Variants in MBD5 observed in about 807,000 individuals in gnomAD.
MBD5 encodes the protein methyl-CpG-binding domain protein 5.
A neutral mutation model predicts 117.3 loss-of-function variants in MBD5; 13 were observed. That is an observed-to-expected ratio of 0.11 (90% CI 0.07 to 0.18). The LOEUF is 0.18. Among genes scored for constraint, MBD5 ranks in the 10% least tolerant of loss-of-function variants. The probability of loss-of-function intolerance (pLI) is 1.00; values close to 1 mark genes in which losing one functional copy is unlikely to be tolerated. For missense variants in MBD5, 1,879 were observed against 2,093.8 expected, an observed-to-expected ratio of 0.90 and a Z score of 2.00; for synonymous variants, 727 against 766.4, an observed-to-expected ratio of 0.95 and a Z score of 0.85.
At chr2:148,189,163 G>C (rs374686077) in intron 2 of MBD5, among the ~76,000 whole-genome samples, 2 of 146,918 alleles carry the variant, frequency 1.4e-5, no homozygotes, top group African/African-American at 5.2e-5. Flanking sequence ...ACTGCAAGGC[G>C]GCAACGAGGC....
chr2:148,459,848 G>A (rs1034564387), intron 5 of MBD5, among the ~76,000 whole-genome samples: 2 of 152,114 alleles, frequency 1.3e-5, no homozygotes, highest in Non-Finnish European at 2.9e-5. Flanking sequence ...TGTGTAAGGC[G>A]TTTCTGGAGG....
At chr2:148,339,777 T>A (rs920283368) in intron 3 of MBD5, among the ~76,000 whole-genome samples, 1 of 152,176 alleles carries the variant, frequency 6.6e-6, no homozygotes, top group Non-Finnish European at 1.5e-5. Context: ...ATTTATTGTC[T>A]ATCCTCAATA....
At chr2:148,198,342 C>A (rs1699047929) in intron 2 of MBD5, among the ~76,000 whole-genome samples, 1 of 152,162 alleles carries the variant, frequency 6.6e-6, no homozygotes, top group Non-Finnish European at 1.5e-5. Flanking sequence ...CACCAAATTT[C>A]TACCTTTGTT....
chr2:148,238,020 A>G (rs111312370), intron 3 of MBD5, among the ~76,000 whole-genome samples: 12 of 152,312 alleles, frequency 7.9e-5, no homozygotes, highest in African/African-American at 2.9e-4. Flanking sequence ...AGCACTGCCT[A>G]ACATGTAATT....
At chr2:148,067,309 C>G (rs949023136) in intron 1 of MBD5, among the ~76,000 whole-genome samples, 2 of 152,202 alleles carry the variant, frequency 1.3e-5, no homozygotes, top group African/African-American at 2.4e-5. Context: ...TTAACAGCCA[C>G]TCAGCAATTG....
At chr2:148,426,139 A>G (rs748266537) in intron 4 of MBD5, among the ~76,000 whole-genome samples, 2 of 152,230 alleles carry the variant, frequency 1.3e-5, no homozygotes, top group Non-Finnish European at 2.9e-5. Context: ...CCACTGCTCA[A>G]TGAAATAGAA....
intron 3 of MBD5, among the ~76,000 whole-genome samples, chr2:148,245,736 C>A (rs1700323028): frequency 6.6e-6 from 1 of 152,100 alleles, no homozygotes; most frequent in African/African-American, 2.4e-5. Flanking sequence ...TTCTAACTCT[C>A]CCACCATTAA....
chr2:148,456,091 A>G (rs1574443704), intron 4 of MBD5, among the ~76,000 whole-genome samples: 1 of 152,156 alleles, frequency 6.6e-6, no homozygotes, highest in South Asian at 2.1e-4. Context: ...TGAATAGCTC[A>G]TTAGTGCCAA....
rs768720064 is a variant in MBD5, at chr2:148,468,748, A to T, written c.805A>T (p.Asn269Tyr). The change falls in exon 8 of 14, where the codon AAT (asparagine) becomes TAT (tyrosine). Residue 269 changes from asparagine to tyrosine, a missense_variant. By Grantham distance (143) the Asn-to-Tyr change is moderately radical. This residue lies in a region of MBD5 where 1,666 missense variants were observed against 1,792.2 expected (regional missense o/e 0.93). Coordinates refer to ENST00000642680, the MANE Select transcript of MBD5 (RefSeq NM_001378120.1). Reference sequence around the variant, plus strand: ...TCCCAATTCTAGTCCTATTCACCTGAATAGGACTCCTCTTTCTCCACCTTC... The same window carrying T: ...TCCCAATTCTAGTCCTATTCACCTGTATAGGACTCCTCTTTCTCCACCTTC... ...GAPNSSPIHL[N>Y]RTPLSPPSVM... is the part of the protein sequence containing the mutation. 3 of 1,613,896 alleles carry T rather than the reference A, an allele frequency of 1.9e-6. No homozygotes were observed. The Admixed American group carries it at 5.0e-5, about 27-fold the overall frequency.
chr2:148,171,438 T>TA (rs1698260413), intron 1 of MBD5, among the ~76,000 whole-genome samples: 1 of 152,164 alleles, frequency 6.6e-6, no homozygotes, highest in South Asian at 2.1e-4. Flanking sequence ...CCTTTCATGT[T>TA]AAAAAACTGT....
intron 4 of MBD5, among the ~76,000 whole-genome samples, chr2:148,363,690 A>C (rs1703610494): frequency 6.6e-6 from 1 of 152,306 alleles, no homozygotes; most frequent in South Asian, 2.1e-4. Flanking sequence ...TGAGAACTTC[A>C]TGAAGCATAC....
chr2:148,188,803 C>T (rs889197872), intron 2 of MBD5, among the ~76,000 whole-genome samples: 10 of 151,906 alleles, frequency 6.6e-5, no homozygotes, highest in African/African-American at 2.2e-4. Context: ...CCAGCGTGAG[C>T]GACGCAGAAG....
chr2:148,070,725 A>G (rs1009542322), intron 1 of MBD5: 1 of 152,220 alleles, frequency 6.6e-6, no homozygotes, highest in Non-Finnish European at 1.5e-5. Flanking sequence ...CTCTAGTGTG[A>G]AAGTTGAAAA....
intron 4 of MBD5, among the ~76,000 whole-genome samples, chr2:148,395,010 A>G (rs544352848): frequency 1.3e-5 from 2 of 151,972 alleles, no homozygotes; most frequent in Non-Finnish European, 2.9e-5. Context: ...TCTTTGTCTC[A>G]GTGTTGGAGC....
intron 1 of MBD5, among the ~76,000 whole-genome samples, chr2:148,033,389 G>A (rs1316718372): frequency 6.6e-6 from 1 of 152,076 alleles, no homozygotes; most frequent in Non-Finnish European, 1.5e-5. Flanking sequence ...ATCACTTGGA[G>A]TGATACTTTA....
At chr2:148,196,917 C>G (rs945307793) in intron 2 of MBD5, among the ~76,000 whole-genome samples, 2 of 151,964 alleles carry the variant, frequency 1.3e-5, no homozygotes, top group African/African-American at 4.8e-5. Flanking sequence ...TGGTGTACCT[C>G]CATCCACATG....
At position 148,328,093 on chromosome 2, in the gene MBD5, C is replaced by T. The variant is rs567044910; in HGVS notation, c.-679-14121C>T. Among the ~76,000 whole-genome samples, 733 of 152,160 alleles carry T rather than the reference C, an allele frequency of 4.8e-3. 7 individuals carry two copies. Among genetic ancestry groups the T allele is most frequent in the African/African-American group, 0.016 (684 of 41,500 alleles). On this transcript the variant is annotated intron_variant, in intron 3 of 13. Transcript: ENST00000642680. Reference sequence around the variant, plus strand: ...CCTCAGCTGCAGGTCTGTTGGAGTACCCGGCCGTGTGAGGTGTCAGTCTGC... The same window carrying T: ...CCTCAGCTGCAGGTCTGTTGGAGTATCCGGCCGTGTGAGGTGTCAGTCTGC...
At chr2:148,247,257 A>C (rs77036566) in intron 3 of MBD5, among the ~76,000 whole-genome samples, 19,291 of 152,236 alleles carry the variant, frequency 0.13, 1,482 homozygotes, top group Non-Finnish European at 0.18. Context: ...TGCAGACTGT[A>C]TGACTTATCT....
At chr2:148,496,672 T>G (rs187408709) in intron 11 of MBD5, among the ~76,000 whole-genome samples, 219 of 152,342 alleles carry the variant, frequency 1.4e-3, no homozygotes, top group Non-Finnish European at 2.4e-3. Context: ...TGGATTGATA[T>G]GCAAATTGTA....
Sources: allele counts gnomAD v4.1 joint callset (sites outside exome capture counted in the v4.1 genomes callset), GRCh38; gene constraint gnomAD v4.1.1; regional missense constraint gnomAD v4.1.1; transcripts MANE v1.5; gene names NCBI Gene and HGNC (gene_info 2026-07-23, HGNC 2026-07-21).